TRIM71: variants seen among roughly 807,000 people sequenced by gnomAD.
The protein encoded by TRIM71 is E3 ubiquitin-protein ligase TRIM71.
In TRIM71, 9 loss-of-function variants were observed where a neutral mutation model predicts 61.2. The ratio of observed to expected loss-of-function variants is 0.15; its 90% CI spans 0.09 to 0.26. The LOEUF is 0.26. Ranked by LOEUF, TRIM71 falls within the 10% of genes least tolerant of loss-of-function variation. The probability of loss-of-function intolerance (pLI) is 1.00; values close to 1 mark genes in which losing one functional copy is unlikely to be tolerated. For missense variants in TRIM71, 998 were observed against 1,238.7 expected (o/e 0.81, Z 2.92); for synonymous variants, 645 against 553.2 (o/e 1.17, Z -2.33).
intron 1 of TRIM71, among the ~76,000 whole-genome samples, chr3:32,870,534 A>C (rs1439152590): frequency 6.6e-6 from 1 of 152,062 alleles, no homozygotes; most frequent in Non-Finnish European, 1.5e-5. Flanking sequence ...CTGGGCTCTC[A>C]AGGCTGGTCA....
intron 1 of TRIM71, among the ~76,000 whole-genome samples, chr3:32,844,638 T>A (rs928032037): frequency 6.6e-6 from 1 of 152,188 alleles, no homozygotes; most frequent in Non-Finnish European, 1.5e-5. Flanking sequence ...TCTATTTCAT[T>A]TTAAATGATA....
chr3:32,856,372 A>AGGG (rs1696605220), intron 1 of TRIM71, among the ~76,000 whole-genome samples: 2 of 149,548 alleles, frequency 1.3e-5, no homozygotes, highest in African/African-American at 4.9e-5. Flanking sequence ...CCCCATCCCT[A>AGGG]CTTGCACTTT....
chr3:32,828,256 T>C (rs1696226359), intron 1 of TRIM71, among the ~76,000 whole-genome samples: 1 of 152,134 alleles, frequency 6.6e-6, no homozygotes, highest in Non-Finnish European at 1.5e-5. Context: ...ATGTTGTAGA[T>C]AAGCATTGAG....
intron 1 of TRIM71, 138 bp from the exon 2 acceptor site, chr3:32,873,680 G>A (rs1056995553): frequency 4.1e-6 from 3 of 724,196 alleles, no homozygotes; most frequent in Non-Finnish European, 6.5e-6. Context: ...CGCCACTGCT[G>A]CCTCTCCCTT....
chr3:32,851,090 A>G (rs1460513098), intron 1 of TRIM71, among the ~76,000 whole-genome samples: 1 of 152,092 alleles, frequency 6.6e-6, no homozygotes, highest in Non-Finnish European at 1.5e-5. Context: ...TCTCACTGTG[A>G]CTATGGAAAT....
intron 1 of TRIM71, among the ~76,000 whole-genome samples, chr3:32,869,949 C>G (rs1008355361): frequency 6.6e-6 from 1 of 152,222 alleles, no homozygotes; most frequent in African/African-American, 2.4e-5. Context: ...TGCTAGACGA[C>G]CTGTTCTTCC....
At chr3:32,847,816 TG>T (rs1696492765) in intron 1 of TRIM71, among the ~76,000 whole-genome samples, 1 of 152,194 alleles carries the variant, frequency 6.6e-6, no homozygotes, top group South Asian at 2.1e-4. Flanking sequence ...GCTGGTTTTT[TG>T]TTTTGTTTTG....
At chr3:32,870,434 A>T (rs181489212) in intron 1 of TRIM71, among the ~76,000 whole-genome samples, 141 of 152,144 alleles carry the variant, frequency 9.3e-4, no homozygotes, top group Middle Eastern at 3.4e-3. Context: ...CTGAAACCAC[A>T]GTGTGTTCTG....
rs771272076 is a variant in TRIM71 at position 32,885,962 on chromosome 3, C to T, written c.1049C>T (p.Ala350Val). ...QLSIEQAQTV[A>V]EQVEMKAKVV... Reference sequence around the variant, plus strand: ...AGCATCGAGCAGGCCCAGACGGTGGCGGAACAGGTGGAGATGAAGGCGAAG... The same window carrying T: ...AGCATCGAGCAGGCCCAGACGGTGGTGGAACAGGTGGAGATGAAGGCGAAG... The change falls in exon 3 of 4, where the codon GCG (alanine) becomes GTG (valine). Residue 350 changes from alanine to valine, a missense_variant. By Grantham distance (64) the Ala-to-Val change is moderately conservative. Coordinates refer to ENST00000383763, the MANE Select transcript of TRIM71 (RefSeq NM_001039111.3). 148 of 1,613,616 alleles carry T rather than the reference C, an allele frequency of 9.2e-5. No homozygotes were observed. Among genetic ancestry groups the T allele is most frequent in the South Asian group, 2.1e-4 (19 of 91,042 alleles).
rs530928042 is a variant in TRIM71 at position 32,834,244 on chromosome 3, A to G, written c.852+15312A>G. ...TTTGTTACGGTTATAAATGGAAACC[A>G]TTTTAAGAAAGGATAGCAAATCCTG... is the stretch of plus-strand genomic sequence containing the variant. On this transcript the variant is annotated intron_variant, in intron 1 of 3. Coordinates refer to ENST00000383763, the MANE Select transcript of TRIM71 (RefSeq NM_001039111.3). 5.3e-5 allele frequency among the ~76,000 whole-genome samples: 8 copies of G among 152,336 alleles called. No homozygotes were observed. In the South Asian group the frequency reaches 1.0e-3, roughly 20 times the overall value.
At chr3:32,887,786 A>T (rs2125692659) in intron 3 of TRIM71, among the ~76,000 whole-genome samples, 1 of 152,270 alleles carries the variant, frequency 6.6e-6, no homozygotes. Context: ...ATCTGTCCCC[A>T]CGTGGGCCTC....
chr3:32,869,946 C>T (rs569085943), intron 1 of TRIM71, among the ~76,000 whole-genome samples: 1 of 152,230 alleles, frequency 6.6e-6, no homozygotes, highest in Non-Finnish European at 1.5e-5. Flanking sequence ...TGCTGCTAGA[C>T]GACCTGTTCT....
Position 32,890,324 on chromosome 3 carries a change from C to G in TRIM71, c.1156-36C>G. On this transcript the variant is annotated intron_variant, in intron 3 of 3. Transcript: ENST00000383763. This position sits in a 1 kb window ranked among gnomAD's most constrained non-coding sequence, Gnocchi z 6.2. ...GTATTTTCTGTGCTTGGCTCTAAGC[C>G]TCTGTGTCTTTCTCCACTCTTGCTT... 6.3e-7 allele frequency: 1 copy of G among 1,590,334 alleles called. No individual in the cohort carries two copies. Among genetic ancestry groups the G allele is most frequent in the African/African-American group, 1.3e-5 (1 of 74,676 alleles).
At chr3:32,837,620 C>A (rs1443359889) in intron 1 of TRIM71, among the ~76,000 whole-genome samples, 10 of 152,096 alleles carry the variant, frequency 6.6e-5, no homozygotes, top group African/African-American at 2.4e-4. Context: ...GAGATCCAGA[C>A]CATCCTGGCT....
chr3:32,839,006 G>GT (rs1696372660), intron 1 of TRIM71, among the ~76,000 whole-genome samples: 1 of 151,706 alleles, frequency 6.6e-6, no homozygotes, highest in Admixed American at 6.6e-5. Context: ...TCACCATGTT[G>GT]TCTAGGCTGG....
At chr3:32,826,064 C>T (rs1005455477) in intron 1 of TRIM71, among the ~76,000 whole-genome samples, 1 of 152,166 alleles carries the variant, frequency 6.6e-6, no homozygotes, top group Non-Finnish European at 1.5e-5. Context: ...TTGCCTCTCC[C>T]ATGCCATCTC....
chr3:32,890,339 C>A lies in TRIM71; in HGVS notation c.1156-21C>A. 1 of 1,598,988 alleles carries A rather than the reference C, an allele frequency of 6.3e-7. No homozygotes were observed. The highest frequency in any genetic ancestry group is 1.1e-5 in the South Asian group (1 of 89,760). ...GGCTCTAAGCCTCTGTGTCTTTCTCCACTCTTGCTTTTCCCTCCAGGTAGA... is the reference window on the plus strand; with the variant it reads ...GGCTCTAAGCCTCTGTGTCTTTCTCAACTCTTGCTTTTCCCTCCAGGTAGA... On this transcript the variant is annotated intron_variant, in intron 3 of 3. Transcript: ENST00000383763. This position sits in a 1 kb window ranked among gnomAD's most constrained non-coding sequence, Gnocchi z 6.2.
At chr3:32,822,924 T>C (rs1696157479) in intron 1 of TRIM71, among the ~76,000 whole-genome samples, 1 of 152,184 alleles carries the variant, frequency 6.6e-6, no homozygotes, top group Non-Finnish European at 1.5e-5. Context: ...TTCATATTAA[T>C]TTCAACAAAT....
intron 1 of TRIM71, among the ~76,000 whole-genome samples, chr3:32,833,788 T>C (rs544319216): frequency 6.6e-6 from 1 of 151,634 alleles, no homozygotes; most frequent in Non-Finnish European, 1.5e-5. Flanking sequence ...AAGACATTTA[T>C]GTAGAAATTT....
Sources: allele counts gnomAD v4.1 joint callset (sites outside exome capture counted in the v4.1 genomes callset), GRCh38; gene constraint gnomAD v4.1.1; non-coding constraint Gnocchi (gnomAD v3.1); transcripts MANE v1.5; gene names NCBI Gene and HGNC (gene_info 2026-07-23, HGNC 2026-07-21).